The following CSF1 variants were observed in gnomAD, a reference collection of about 807,000 sequenced individuals.
CSF1 encodes colony stimulating factor 1.
In CSF1, 9 loss-of-function variants were observed where a neutral mutation model predicts 48.9. The ratio of observed to expected loss-of-function variants is 0.18; its 90% CI spans 0.11 to 0.32. CSF1 has a LOEUF of 0.32. CSF1 is among the 10% of genes least tolerant of loss of function. The probability of loss-of-function intolerance (pLI) is 1.00; values close to 1 mark genes in which losing one functional copy is unlikely to be tolerated. For synonymous variants in CSF1, 305 were observed against 284.1 expected (o/e 1.07, Z -0.74); for missense variants, 672 against 697.9 (o/e 0.96, Z 0.42).
chr1:109,919,880 C>T (rs1647444362), intron 4 of CSF1, among the ~76,000 whole-genome samples: 1 of 151,728 alleles, frequency 6.6e-6, no homozygotes, highest in South Asian at 2.1e-4. Flanking sequence ...AATCGCTTGA[C>T]CCAGGGTGGC....
chr1:109,927,245 T>A (rs1647881979), intron 8 of CSF1, among the ~76,000 whole-genome samples: 1 of 152,230 alleles, frequency 6.6e-6, no homozygotes, highest in African/African-American at 2.4e-5. Context: ...GGCTCTCCCA[T>A]GTGTGGAGTG....
intron 2 of CSF1, 144 bp from the exon 3 acceptor site, chr1:109,915,490 G>T: frequency 1.5e-6 from 1 of 681,038 alleles, no homozygotes; most frequent in South Asian, 1.7e-5. Flanking sequence ...TCCTAGACTT[G>T]ACTCTGTCTT....
chr1:109,925,206 A>G lies in CSF1; in HGVS notation c.*13+4A>G. 1 of 1,613,418 alleles carries G rather than the reference A, an allele frequency of 6.2e-7. No individual in the cohort carries two copies. The highest frequency in any genetic ancestry group is 1.1e-5 in the South Asian group (1 of 91,052). ...CCAGTGTAGAGGGAATTCTAAGGTA[A>G]GATTCTGACTTTGATCTCCACTCCT... is the stretch of plus-strand genomic sequence containing the variant. On this transcript the variant is annotated splice_donor_region_variant and intron_variant, in intron 8 of 8. Coordinates refer to ENST00000329608, the MANE Select transcript of CSF1 (RefSeq NM_000757.6).
At chr1:109,910,835 G>A, upstream of CSF1, 1 of 240,652 alleles carries the variant, frequency 4.2e-6, no homozygotes, top group South Asian at 1.4e-4. Context: ...AGGCTGTGCC[G>A]AGGGCTGGCC....
Position 109,917,413 on chromosome 1 carries a change from T to C in CSF1, c.346T>C (p.Ser116Pro). Residue 116 changes from serine (S) to proline (P), a missense_variant, in exon 4 of 9, where the codon TCT becomes CCT. By Grantham distance (74) the Ser-to-Pro change is moderately conservative. This residue lies in a region of CSF1 where 591 missense variants were observed against 593.6 expected (regional missense o/e 1.00). Transcript: ENST00000329608. ...AIAIVQLQEL[S>P]LRLKSCFTKD... is the part of the protein sequence containing the mutation. ...CGCCATTGTGCAGCTGCAGGAACTC[T>C]CTTTGAGGCTGAAGAGCTGCTTCAC... 1 of 1,614,190 alleles carries C rather than the reference T, an allele frequency of 6.2e-7. No homozygotes were observed. Among genetic ancestry groups the C allele is most frequent in the Non-Finnish European group, 8.5e-7 (1 of 1,180,026 alleles).
chr1:109,919,248 C>T (rs1229369884), intron 4 of CSF1, among the ~76,000 whole-genome samples: 5 of 152,050 alleles, frequency 3.3e-5, no homozygotes, highest in Non-Finnish European at 7.4e-5. Context: ...TTTTTGTTGT[C>T]GTTGTTTTGA....
intron 2 of CSF1, among the ~76,000 whole-genome samples, chr1:109,915,023 C>T (rs934623594): frequency 6.6e-6 from 1 of 152,056 alleles, no homozygotes; most frequent in Non-Finnish European, 1.5e-5. Flanking sequence ...TTTACCATTC[C>T]TCTGGCCAGC....
rs143457099 is a variant in CSF1 at position 109,924,020 on chromosome 1, C to T, written c.1399C>T (p.Pro467Ser). Residue 467 changes from proline to serine, a missense_variant, in exon 6 of 9, where the codon CCC (proline) becomes TCC (serine). Physicochemically the swap from Pro to Ser is moderately conservative, Grantham distance 74. This residue lies in a region of CSF1 where 591 missense variants were observed against 593.6 expected (regional missense o/e 1.00). Transcript: ENST00000329608. The stretch of plus-strand genomic sequence containing the variant: ...ACCAGCAAGTGAAGGGGCAGCCAGG[C>T]CCCTGCCCCGTTTTAACTCCGTTCC... ...GGPASEGAAR[P>S]LPRFNSVPLT... 2 of 1,614,212 alleles carry T rather than the reference C, an allele frequency of 1.2e-6. No homozygotes were observed. The highest frequency in any genetic ancestry group is 1.3e-5 in the African/African-American group (1 of 75,054).
Position 109,915,062 on chromosome 1 carries a change from G to A in CSF1, c.163-572G>A, listed in dbSNP as rs925110922. ...GCAGGGTGGGGCATCACTGGCTAACGCCAGCTCCAGGGCCCTGAGCTTGGG... is the reference window on the plus strand; with the variant it reads ...GCAGGGTGGGGCATCACTGGCTAACACCAGCTCCAGGGCCCTGAGCTTGGG... On this transcript the variant is annotated intron_variant, in intron 2 of 8. Transcript: ENST00000329608. Among the ~76,000 whole-genome samples, 5 of 152,344 alleles carry A rather than the reference G, an allele frequency of 3.3e-5. No homozygotes were observed. In the South Asian group the frequency reaches 1.0e-3, roughly 32 times the overall value.
chr1:109,928,311 G>A (rs1647927857), intron 8 of CSF1, among the ~76,000 whole-genome samples: 3 of 152,188 alleles, frequency 2.0e-5, no homozygotes, highest in Non-Finnish European at 4.4e-5. Flanking sequence ...CCTTGTCCTG[G>A]CACTGCCTCT....
At chr1:109,913,442 A>G (rs551634741) in intron 1 of CSF1, among the ~76,000 whole-genome samples, 21 of 152,312 alleles carry the variant, frequency 1.4e-4, no homozygotes, top group South Asian at 8.3e-4. Context: ...AGAGGAAGGA[A>G]GGGGAAAGAC....
intron 1 of CSF1, 45 bp downstream of exon 1, chr1:109,911,107 G>T (rs1654661480): frequency 1.0e-6 from 1 of 999,360 alleles, no homozygotes; most frequent in South Asian, 4.5e-5. Context: ...GCTGGGGCGG[G>T]GGCTCGGCGG....
intron 1 of CSF1, among the ~76,000 whole-genome samples, chr1:109,911,423 CTGAG>C (rs905396334): frequency 3.9e-5 from 6 of 152,230 alleles, no homozygotes; most frequent in Admixed American, 2.6e-4. Flanking sequence ...TGGCTGTGCG[CTGAG>C]TGTGTGCCCT....
At position 109,923,815 on chromosome 1, in the gene CSF1, G is replaced by A. The variant is rs768917240; in HGVS notation, c.1194G>A (p.Pro398=). The A allele has an allele frequency of 1.6e-5, 26 of 1,612,062 alleles. No homozygotes were observed. The highest frequency in any genetic ancestry group is 4.4e-5 in the South Asian group (4 of 90,838). The change falls in exon 6 of 9, where the codon CCG becomes CCA. Residue 398 remains proline (P), a synonymous_variant. Transcript: ENST00000329608. The part of the protein sequence containing the change: ...DHPSALLRDP[P]EPGSPRISSL... The stretch of plus-strand genomic sequence containing the variant: ...CATCTGCCCTGCTCAGAGACCCCCC[G>A]GAGCCAGGCTCTCCCAGGATCTCAT...
intron 8 of CSF1, chr1:109,926,282 C>G (rs1647837479): frequency 6.6e-6 from 1 of 152,192 alleles, no homozygotes; most frequent in Non-Finnish European, 1.5e-5. Context: ...ATATGTTGAG[C>G]CTGTGGTCTA....
intron 2 of CSF1, among the ~76,000 whole-genome samples, chr1:109,914,753 A>G (rs954098357): frequency 6.6e-6 from 1 of 152,236 alleles, no homozygotes; most frequent in African/African-American, 2.4e-5. Context: ...TGCTGTGTCC[A>G]GATGTTGCAT....
At chr1:109,925,704 A>T (rs1647817259) in intron 8 of CSF1, among the ~76,000 whole-genome samples, 1 of 152,042 alleles carries the variant, frequency 6.6e-6, no homozygotes, top group Non-Finnish European at 1.5e-5. Context: ...TCATGTTGAC[A>T]TAGAACCTGA....
Position 109,914,282 on chromosome 1 carries a change from G to T in CSF1, c.63G>T (p.Leu21Phe). ...AGACATGGCTGGGCTCCCTGCTGTT[G>T]TTGGTCTGTCTCCTGGCGAGCAGGA... ...PPTTWLGSLLLLVCLLASRSI... is the reference protein window; with the variant it reads ...PPTTWLGSLLFLVCLLASRSI... The change falls in exon 2 of 9, where the codon TTG becomes TTT. Residue 21 changes from leucine to phenylalanine, a missense_variant. Leu to Phe is a conservative substitution (Grantham distance 22). Transcript: ENST00000329608. The T allele has an allele frequency of 1.2e-6, 2 of 1,607,374 alleles. No homozygotes were observed. Among genetic ancestry groups the T allele is most frequent in the African/African-American group, 1.3e-5 (1 of 74,988 alleles).
rs1648007542 is a variant in CSF1 at position 109,930,090 on chromosome 1, A to G, written c.*1252A>G. ...GCAGTGTCCTTTCCCTGCTGCCGAC[A>G]GGAACCTGGGGCTGAACAGGTTATC... On this transcript the variant is annotated 3_prime_UTR_variant, in exon 9 of 9. Transcript: ENST00000329608. The G allele has an allele frequency of 1.3e-5, 2 of 152,330 alleles. No individual in the cohort carries two copies. The highest frequency in any genetic ancestry group is 6.5e-5 in the Admixed American group (1 of 15,296). 9.4% of individuals were successfully genotyped at this position (152,330 alleles called of 1,614,324 possible).
Sources: gnomAD v4.1 joint callset for allele counts (sites outside exome capture counted in the v4.1 genomes callset) on GRCh38, gnomAD v4.1.1 for gene constraint, gnomAD v4.1.1 regional missense constraint, MANE v1.5 for transcripts, NCBI Gene and HGNC (gene_info 2026-07-23, HGNC 2026-07-21) for gene names.